Variants in CAMKMT observed in about 807,000 individuals in gnomAD.
The protein encoded by CAMKMT is CaM KMT.
Under a neutral mutation model 48.0 loss-of-function variants are expected in CAMKMT, and 53 were observed. The observed-to-expected ratio is 1.10, with a 90% confidence interval of 0.89 to 1.39. The LOEUF is 1.39. CAMKMT is among the 40% of genes most tolerant of loss of function. The pLI is 0.00. For missense variants in CAMKMT, 428 were observed against 402.7 expected (o/e 1.06, Z -0.54); for synonymous variants, 165 against 152.3 (o/e 1.08, Z -0.61).
At chr2:44,674,053 G>A (rs1261521955) in intron 3 of CAMKMT, among the ~76,000 whole-genome samples, 1 of 152,168 alleles carries the variant, frequency 6.6e-6, no homozygotes, top group Non-Finnish European at 1.5e-5. Context: ...AAAAAAAGAA[G>A]TTTGCTTAAT....
At chr2:44,638,033 C>A (rs1299920028) in intron 3 of CAMKMT, among the ~76,000 whole-genome samples, 3 of 133,688 alleles carry the variant, frequency 2.2e-5, no homozygotes, top group Non-Finnish European at 3.1e-5. Context: ...CCAGCCTGGG[C>A]GACCGAGCGA....
chr2:44,430,680 A>G (rs1023515592), intron 3 of CAMKMT, among the ~76,000 whole-genome samples: 2 of 152,096 alleles, frequency 1.3e-5, no homozygotes, highest in African/African-American at 4.8e-5. Context: ...ACTTCAATTC[A>G]TGGCACAAAA....
At chr2:44,641,611 G>A (rs1473108686) in intron 3 of CAMKMT, among the ~76,000 whole-genome samples, 3 of 152,078 alleles carry the variant, frequency 2.0e-5, no homozygotes, top group African/African-American at 7.2e-5. Flanking sequence ...AGGCTGGAGT[G>A]CAGTGGTATA....
chr2:44,414,529 T>G (rs1187794858), intron 3 of CAMKMT, among the ~76,000 whole-genome samples: 1 of 152,148 alleles, frequency 6.6e-6, no homozygotes, highest in Non-Finnish European at 1.5e-5. Flanking sequence ...ATATGGCAGC[T>G]TCCACTAGAG....
chr2:44,594,760 T>A (rs1174123452), intron 3 of CAMKMT, among the ~76,000 whole-genome samples: 1 of 152,178 alleles, frequency 6.6e-6, no homozygotes, highest in Non-Finnish European at 1.5e-5. Context: ...GGGCAAAGAC[T>A]TTATGACTAA....
intron 3 of CAMKMT, among the ~76,000 whole-genome samples, chr2:44,613,378 T>G (rs1380331524): frequency 1.3e-5 from 2 of 152,126 alleles, no homozygotes; most frequent in South Asian, 4.1e-4. Flanking sequence ...CAGATCTCCC[T>G]GTGACCCAGA....
chr2:44,576,738 A>C (rs1237787012), intron 3 of CAMKMT, among the ~76,000 whole-genome samples: 2 of 152,220 alleles, frequency 1.3e-5, no homozygotes, highest in Non-Finnish European at 2.9e-5. Flanking sequence ...CAAAAATAAA[A>C]GTAAGTGTGC....
chr2:44,495,089 T>A (rs746667701), intron 3 of CAMKMT, among the ~76,000 whole-genome samples: 1 of 152,210 alleles, frequency 6.6e-6, no homozygotes, highest in Non-Finnish European at 1.5e-5. Context: ...GGTTTGAGAA[T>A]AATCTCACTA....
chr2:44,542,129 C>CAA (rs542034096), intron 3 of CAMKMT, among the ~76,000 whole-genome samples: 140 of 99,182 alleles, frequency 1.4e-3, no homozygotes, highest in Middle Eastern at 5.6e-3. Flanking sequence ...AACTCTGTCT[C>CAA]AAAAAAAAAA....
Position 44,623,054 on chromosome 2 carries a change from G to A in CAMKMT, c.377-81229G>A, listed in dbSNP as rs1254259066. Among the ~76,000 whole-genome samples, 7 of 151,622 alleles carry A rather than the reference G, an allele frequency of 4.6e-5. No individual in the cohort carries two copies. The South Asian group carries it at 8.3e-4, about 18-fold the overall frequency. On this transcript the variant is annotated intron_variant, in intron 3 of 10. Transcript: ENST00000378494. ...TCTGACCAGTGTGAGATGGTATGTCGGTGATTTGCATTTCTCTGATGATTT... is the reference window on the plus strand; with the variant it reads ...TCTGACCAGTGTGAGATGGTATGTCAGTGATTTGCATTTCTCTGATGATTT...
Position 44,618,463 on chromosome 2 carries a change from C to A in CAMKMT, c.377-85820C>A, listed in dbSNP as rs1485693335. ...AGACAAGAAGGGTGGCACTTGGGGA[C>A]CTTTTTGCTTTAGGTCGAAGGCTTT... On this transcript the variant is annotated intron_variant, in intron 3 of 10. Coordinates refer to ENST00000378494, the MANE Select transcript of CAMKMT (RefSeq NM_024766.5). The surrounding 1 kb of genome is among the most constrained non-coding windows in gnomAD (Gnocchi z 4.0). Among the ~76,000 whole-genome samples the A allele has an allele frequency of 2.6e-5, 4 of 152,154 alleles. No individual in the cohort carries two copies. Among genetic ancestry groups the A allele is most frequent in the Non-Finnish European group, 4.4e-5 (3 of 68,030 alleles).
intron 2 of CAMKMT, among the ~76,000 whole-genome samples, chr2:44,387,710 G>A (rs1011933359): frequency 7.3e-6 from 1 of 136,186 alleles, no homozygotes; most frequent in Admixed American, 7.2e-5. Context: ...AGCAGTTCTT[G>A]TGGTGGTGGC....
chr2:44,600,485 T>G (rs1670921479), intron 3 of CAMKMT, among the ~76,000 whole-genome samples: 1 of 151,864 alleles, frequency 6.6e-6, no homozygotes. Context: ...CTAAGGCTGG[T>G]TTCAAACTCC....
intron 8 of CAMKMT, among the ~76,000 whole-genome samples, chr2:44,750,596 C>A (rs971733201): frequency 1.3e-5 from 2 of 152,224 alleles, no homozygotes; most frequent in African/African-American, 4.8e-5. Flanking sequence ...CTCATACACT[C>A]CTCAAGCCAT....
At chr2:44,748,083 A>G (rs944691920) in intron 8 of CAMKMT, among the ~76,000 whole-genome samples, 5 of 152,224 alleles carry the variant, frequency 3.3e-5, no homozygotes, top group African/African-American at 1.2e-4. Flanking sequence ...AGGAGATTAT[A>G]TATCATTCCC....
At chr2:44,424,606 A>G (rs764462127) in intron 3 of CAMKMT, among the ~76,000 whole-genome samples, 2 of 152,236 alleles carry the variant, frequency 1.3e-5, no homozygotes, top group African/African-American at 2.4e-5. Flanking sequence ...GGAACGAATT[A>G]ATGGCATTCA....
At chr2:44,516,043 A>G (rs1670815036) in intron 3 of CAMKMT, among the ~76,000 whole-genome samples, 1 of 152,026 alleles carries the variant, frequency 6.6e-6, no homozygotes, top group Non-Finnish European at 1.5e-5. Flanking sequence ...TTCTGTCAGG[A>G]AATATGTACT....
chr2:44,409,221 G>A (rs1052017279), intron 3 of CAMKMT, among the ~76,000 whole-genome samples: 1 of 148,510 alleles, frequency 6.7e-6, no homozygotes, highest in South Asian at 2.1e-4. Context: ...AAAATTCAAC[G>A]TAGTATCCAG....
Position 44,498,578 on chromosome 2 carries a change from G to T in CAMKMT, c.376+108273G>T, listed in dbSNP as rs115760388. On this transcript the variant is annotated intron_variant, in intron 3 of 10. Transcript: ENST00000378494. ...CAGTTCTGTTAGCAGTGGTTTTGAT[G>T]ATAAAATCCTGTAATTCAAGAGGTT... Among the ~76,000 whole-genome samples, 1,077 of 152,274 alleles carry T rather than the reference G, an allele frequency of 7.1e-3. 14 individuals carry two copies. Among genetic ancestry groups the T allele is most frequent in the African/African-American group, 0.025 (1,032 of 41,556 alleles).
Sources: allele counts gnomAD v4.1 joint callset (sites outside exome capture counted in the v4.1 genomes callset), GRCh38; gene constraint gnomAD v4.1.1; non-coding constraint Gnocchi (gnomAD v3.1); transcripts MANE v1.5; gene names NCBI Gene and HGNC (gene_info 2026-07-23, HGNC 2026-07-21).